Variants in IGSF11 observed in about 807,000 individuals in gnomAD.
The protein encoded by IGSF11 is immunoglobulin superfamily member 11, also known as CXADR like 1.
In IGSF11, 22 loss-of-function variants were observed where a neutral mutation model predicts 41.0. That is an observed-to-expected ratio of 0.54 (90% CI 0.38 to 0.77). IGSF11 has a LOEUF of 0.77. IGSF11 is among the 30% of genes least tolerant of loss of function. The pLI, the probability that IGSF11 is intolerant of heterozygous loss-of-function variation, is 0.00. For missense variants in IGSF11, 444 were observed against 530.8 expected, an observed-to-expected ratio of 0.84 and a Z score of 1.61; for synonymous variants, 219 against 201.3, an observed-to-expected ratio of 1.09 and a Z score of -0.74.
upstream of IGSF11, among the ~76,000 whole-genome samples, chr3:119,036,557 A>G (rs1237965523): frequency 6.6e-6 from 1 of 152,230 alleles, no homozygotes; most frequent in South Asian, 2.1e-4. Context: ...TTTATCCTTT[A>G]AATAAATATC....
chr3:119,125,078 G>T (rs2077384482), intron 1 of IGSF11, among the ~76,000 whole-genome samples: 1 of 152,186 alleles, frequency 6.6e-6, no homozygotes, highest in Non-Finnish European at 1.5e-5. Context: ...TTTCAAACAT[G>T]AAGGAAAAAT....
At chr3:119,118,384 G>T (rs1196742020) in intron 1 of IGSF11, among the ~76,000 whole-genome samples, 1 of 152,196 alleles carries the variant, frequency 6.6e-6, no homozygotes, top group Non-Finnish European at 1.5e-5. Context: ...AAGGCTTGAG[G>T]CTAGCATCCT....
chr3:119,051,663 C>A (rs1453488518), intron 1 of IGSF11, among the ~76,000 whole-genome samples: 6 of 152,196 alleles, frequency 3.9e-5, no homozygotes, highest in Non-Finnish European at 5.9e-5. Context: ...TACCCAACAA[C>A]TGCACAATAT....
At chr3:118,943,361 C>T (rs962999397) in intron 1 of IGSF11, among the ~76,000 whole-genome samples, 1 of 152,164 alleles carries the variant, frequency 6.6e-6, no homozygotes, top group Non-Finnish European at 1.5e-5. Context: ...AAAAATAAAT[C>T]TTAATGCCCT....
intron 1 of IGSF11, among the ~76,000 whole-genome samples, chr3:119,050,376 C>T (rs1372222164): frequency 6.6e-6 from 1 of 152,104 alleles, no homozygotes; most frequent in Admixed American, 6.5e-5. Context: ...ATTTATGCAG[C>T]CAAAAAACAC....
intron 1 of IGSF11, among the ~76,000 whole-genome samples, chr3:119,023,603 G>A (rs1237371275): frequency 6.6e-6 from 1 of 152,138 alleles, no homozygotes; most frequent in Non-Finnish European, 1.5e-5. Flanking sequence ...ACATCTAAGT[G>A]CATTTGTCTA....
chr3:119,064,297 A>T (rs1395846738), intron 1 of IGSF11, among the ~76,000 whole-genome samples: 3 of 152,220 alleles, frequency 2.0e-5, no homozygotes, highest in Non-Finnish European at 2.9e-5. Context: ...TCATTTGTTT[A>T]AAAAGGCTTT....
chr3:119,109,568 G>A (rs1309681504), upstream of IGSF11, among the ~76,000 whole-genome samples: 1 of 152,112 alleles, frequency 6.6e-6, no homozygotes, highest in South Asian at 2.1e-4. Context: ...TTTTTGAAGG[G>A]TTTTTTGTGT....
intron 6 of IGSF11, among the ~76,000 whole-genome samples, chr3:118,904,184 G>A (rs192229208): frequency 1.5e-4 from 23 of 152,196 alleles, no homozygotes; most frequent in Admixed American, 1.4e-3. Flanking sequence ...GATGATGTTG[G>A]CATTGTTTTC....
chr3:118,947,815 A>G (rs1352784618), intron 1 of IGSF11: 1 of 152,174 alleles, frequency 6.6e-6, no homozygotes, highest in Non-Finnish European at 1.5e-5. Flanking sequence ...AGTTTTGCCT[A>G]TTGTTAACTT....
intron 1 of IGSF11, among the ~76,000 whole-genome samples, chr3:118,938,085 A>G (rs138514061): frequency 0.011 from 1,630 of 152,182 alleles, 27 homozygotes; most frequent in African/African-American, 0.037. Context: ...GTGTATATAC[A>G]TATGTGTGTG....
intron 1 of IGSF11, among the ~76,000 whole-genome samples, chr3:119,010,538 A>G (rs980416667): frequency 6.6e-6 from 1 of 152,184 alleles, no homozygotes; most frequent in Admixed American, 6.5e-5. Flanking sequence ...GGCCGAAATA[A>G]AAACAAAAGG....
chr3:118,928,567 G>A lies in IGSF11; in HGVS notation c.366C>T (p.Val122=), dbSNP rs1197492558. 6.2e-7 allele frequency: 1 copy of A among 1,613,846 alleles called. No homozygotes were observed. The highest frequency in any genetic ancestry group is 1.1e-5 in the South Asian group (1 of 91,054). Residue 122 remains valine (V), a synonymous_variant, in exon 3 of 7, where the codon GTC becomes GTT. Transcript: ENST00000393775. The stretch of plus-strand genomic sequence containing the variant: ...TGCCCCCTATGTCTGGAAGGTTGTT[G>A]ACCAGGCACTGGTAGGTGCCAGTGT... ...LSDTGTYQCL[V]NNLPDIGGRN... is the part of the protein sequence containing the mutation.
intron 1 of IGSF11, among the ~76,000 whole-genome samples, chr3:118,992,810 T>C (rs746522632): frequency 6.6e-6 from 1 of 152,200 alleles, no homozygotes; most frequent in Non-Finnish European, 1.5e-5. Flanking sequence ...TTCAACTTTA[T>C]GAAAATTAAG....
chr3:118,960,044 CAA>C (rs199913346), intron 1 of IGSF11, among the ~76,000 whole-genome samples: 19 of 81,056 alleles, frequency 2.3e-4, no homozygotes, highest in South Asian at 3.1e-4. Flanking sequence ...GACTCCGTCT[CAA>C]AAAAAAAAAA....
At chr3:119,129,145 A>C (rs2077443063) in intron 1 of IGSF11, among the ~76,000 whole-genome samples, 1 of 151,834 alleles carries the variant, frequency 6.6e-6, no homozygotes, top group Non-Finnish European at 1.5e-5. Context: ...GAACAACAAC[A>C]CCAGGGCCTG....
chr3:119,091,738 C>G (rs1266892799), intron 1 of IGSF11, among the ~76,000 whole-genome samples: 1 of 152,060 alleles, frequency 6.6e-6, no homozygotes, highest in African/African-American at 2.4e-5. Flanking sequence ...GCAAAACCTC[C>G]TATCAGATAC....
intron 1 of IGSF11, among the ~76,000 whole-genome samples, chr3:119,140,334 T>C (rs1457249110): frequency 5.9e-5 from 9 of 152,122 alleles, no homozygotes; most frequent in Non-Finnish European, 1.2e-4. Flanking sequence ...GGCTATACTA[T>C]GAGACAAAAT....
intron 1 of IGSF11, among the ~76,000 whole-genome samples, chr3:118,965,397 T>C (rs1276690846): frequency 3.9e-5 from 6 of 152,018 alleles, no homozygotes; most frequent in Non-Finnish European, 7.4e-5. Context: ...AAATTAACTA[T>C]GTGATGAGCA....
Sources: allele counts gnomAD v4.1 joint callset (sites outside exome capture counted in the v4.1 genomes callset), GRCh38; gene constraint gnomAD v4.1.1; transcripts MANE v1.5; gene names NCBI Gene and HGNC (gene_info 2026-07-23, HGNC 2026-07-21).